RNF215: variants seen among roughly 807,000 people sequenced by gnomAD.
The protein encoded by RNF215 is ring finger protein 215.
In RNF215, 41 loss-of-function variants were observed where a neutral mutation model predicts 44.8. The ratio of observed to expected loss-of-function variants is 0.92; its 90% CI spans 0.71 to 1.19. The LOEUF is 1.19. RNF215 is among the 50% of genes most tolerant of loss of function. The pLI is 0.00. For synonymous variants in RNF215, 218 were observed against 230.1 expected (o/e 0.95, Z 0.48); for missense variants, 452 against 496.2 (o/e 0.91, Z 0.85).
chr22:30,384,212 T>C lies in RNF215; in HGVS notation c.744+127A>G. 2 of 1,036,496 alleles carry C rather than the reference T, an allele frequency of 1.9e-6. 1 individual carries two copies. The highest frequency in any genetic ancestry group is 3.1e-5 in the South Asian group (2 of 63,740). 64.2% of individuals were successfully genotyped at this position (1,036,496 alleles called of 1,614,324 possible). ...TGTCTCTGAACACTCACAGCACTCCTGTGGGGTGGGAAAGGCCGTCCTTGT... is the reference window on the plus strand; with the variant it reads ...TGTCTCTGAACACTCACAGCACTCCCGTGGGGTGGGAAAGGCCGTCCTTGT... On this transcript the variant is annotated intron_variant, in intron 5 of 8. Coordinates refer to ENST00000382363, the MANE Select transcript of RNF215 (RefSeq NM_001017981.2).
Position 30,385,975 on chromosome 22 carries a change from C to G in RNF215, c.516G>C (p.Gln172His). The G allele has an allele frequency of 6.2e-7, 1 of 1,614,174 alleles. No individual in the cohort carries two copies. The highest frequency in any genetic ancestry group is 8.5e-7 in the Non-Finnish European group (1 of 1,180,028). Residue 172 changes from glutamine to histidine, a missense_variant, in exon 4 of 9, where the codon CAG (glutamine) becomes CAC (histidine). By Grantham distance (24) the Gln-to-His change is conservative. Transcript: ENST00000382363. ...HNVVRELDIS[Q>H]LLLRPVIVLH... is the part of the protein sequence containing the mutation. Reference sequence around the variant, plus strand: ...GGACGATCACTGGCCTGAGCAGAAGCTGGGATATGTCCAGCTGCAGGGAGA... The same window carrying G: ...GGACGATCACTGGCCTGAGCAGAAGGTGGGATATGTCCAGCTGCAGGGAGA...
At chr22:30,382,781 G>A (rs962621605) in intron 5 of RNF215, among the ~76,000 whole-genome samples, 1 of 152,086 alleles carries the variant, frequency 6.6e-6, no homozygotes, top group African/African-American at 2.4e-5. Context: ...AGGGCAGGAT[G>A]GGAGCTTGCC....
chr22:30,379,600 C>T lies in RNF215; in HGVS notation c.1134G>A (p.Ter378=). 6.4e-7 allele frequency: 1 copy of T among 1,550,662 alleles called. No homozygotes were observed. Among genetic ancestry groups the T allele is most frequent in the African/African-American group, 1.4e-5 (1 of 73,138 alleles). The change falls in exon 9 of 9, where the codon TAG becomes TAA. Residue 378 remains the stop codon, a stop_retained_variant. Coordinates refer to ENST00000382363, the MANE Select transcript of RNF215 (RefSeq NM_001017981.2). ...NVLGNRYSDD[*] ...CCATGTGCAGAGTCCAGCTGGGCAG[C>T]TAATCATCGGAGTAGCGGTTCCCTG...
At chr22:30,386,980 G>A (rs1933609628) in intron 1 of RNF215, 49 bp downstream of exon 1, 2 of 1,531,276 alleles carry the variant, frequency 1.3e-6, no homozygotes, top group African/African-American at 2.7e-5. Context: ...TCTAGGGAGG[G>A]TTGAGAGAGG....
intron 5 of RNF215, among the ~76,000 whole-genome samples, chr22:30,383,188 G>T (rs1289823021): frequency 6.6e-6 from 1 of 152,156 alleles, no homozygotes; most frequent in African/African-American, 2.4e-5. Context: ...CAGCCACTGA[G>T]ATGCCTCCTC....
At chr22:30,379,928 C>T in intron 7 of RNF215, 115 bp from the exon 8 acceptor site, 1 of 1,521,566 alleles carries the variant, frequency 6.6e-7, no homozygotes, top group Non-Finnish European at 9.0e-7. Flanking sequence ...GCTTCCCCCA[C>T]CCCCCTGAAA....
Position 30,379,391 on chromosome 22 carries a change from C to G in RNF215, c.*209G>C. The G allele has an allele frequency of 1.6e-6, 1 of 621,100 alleles. No individual in the cohort carries two copies. The highest frequency in any genetic ancestry group is 2.8e-6 in the Non-Finnish European group (1 of 357,176). The allele number at this position is 621,100 out of a possible 1,614,324, so 38.5% of individuals were successfully genotyped here. A position where few individuals can be genotyped will look rare whatever the true frequency, so the allele number is the denominator to read the frequency against. The stretch of plus-strand genomic sequence containing the variant: ...AAAGTGACCTCTCTTCCTTGACTGA[C>G]AGGTCCCAGCCCTAGATCCTCAGTC... On this transcript the variant is annotated 3_prime_UTR_variant, in exon 9 of 9. Coordinates refer to ENST00000382363, the MANE Select transcript of RNF215 (RefSeq NM_001017981.2).
chr22:30,382,418 A>G (rs1343675451), intron 5 of RNF215, among the ~76,000 whole-genome samples: 1 of 151,994 alleles, frequency 6.6e-6, no homozygotes, highest in Non-Finnish European at 1.5e-5. Flanking sequence ...AAAAAAAAAA[A>G]AAAGCTTGTG....
At chr22:30,383,043 A>G (rs1933549624) in intron 5 of RNF215, among the ~76,000 whole-genome samples, 1 of 152,180 alleles carries the variant, frequency 6.6e-6, no homozygotes, top group Admixed American at 6.5e-5. Flanking sequence ...TCGAGGCTGC[A>G]GTGAGCCAAG....
rs909453466 is a variant in RNF215 at position 30,380,623 on chromosome 22, G to A, written c.745-222C>T. On this transcript the variant is annotated intron_variant, in intron 5 of 8. Coordinates refer to ENST00000382363, the MANE Select transcript of RNF215 (RefSeq NM_001017981.2). The surrounding 1 kb of genome is among the most constrained non-coding windows in gnomAD (Gnocchi z 5.3). ...ACACGTCTTCCCATCCAGCTCCAAG[G>A]AGAGCCACATCCATTCCCAGCCCAG... is the stretch of plus-strand genomic sequence containing the variant. 6.6e-6 allele frequency among the ~76,000 whole-genome samples: 1 copy of A among 152,088 alleles called. No homozygotes were observed. Among genetic ancestry groups the A allele is most frequent in the Non-Finnish European group, 1.5e-5 (1 of 68,006 alleles).
Position 30,386,630 on chromosome 22 carries a change from C to A in RNF215, c.415G>T (p.Ala139Ser). 6.2e-7 allele frequency: 1 copy of A among 1,612,860 alleles called. No individual in the cohort carries two copies. The highest frequency in any genetic ancestry group is 8.5e-7 in the Non-Finnish European group (1 of 1,179,712). ...ATCCCCTGCACCTGCTGGACCAGGG[C>A]CTTGGGATAGGCCTGCGGGCCACTG... Reference protein sequence around the residue: ...KGSGPQAYPKALVQQMRRALF... With the variant: ...KGSGPQAYPKSLVQQMRRALF... Residue 139 changes from alanine (A) to serine (S), a missense_variant, in exon 2 of 9, where the codon GCC becomes TCC. By Grantham distance (99) the Ala-to-Ser change is moderately conservative. Coordinates refer to ENST00000382363, the MANE Select transcript of RNF215 (RefSeq NM_001017981.2).
In RNF215 at chr22:30,379,807, G is replaced by A. The variant is rs1484830290; in HGVS notation, c.1015C>T (p.Arg339Trp). The A allele has an allele frequency of 6.4e-6, 10 of 1,571,914 alleles. No homozygotes were observed. Among genetic ancestry groups the A allele is most frequent in the South Asian group, 1.2e-5 (1 of 86,572 alleles). Residue 339 changes from arginine (R) to tryptophan (W), a missense_variant, in exon 8 of 9, where the codon CGG becomes TGG. Coordinates refer to ENST00000382363, the MANE Select transcript of RNF215 (RefSeq NM_001017981.2). Reference sequence around the variant, plus strand: ...AACTCGTGCTTACAGGGCAGCACCCGGAGCCACTACAGGGGTGGGGGAGGA... The same window carrying A: ...AACTCGTGCTTACAGGGCAGCACCCAGAGCCACTACAGGGGTGGGGGAGGA... ...LDYFCNKQWL[R>W]VLPCKHEFHR...
chr22:30,380,442 C>G lies in RNF215; in HGVS notation c.745-41G>C. On this transcript the variant is annotated intron_variant, in intron 5 of 8. Coordinates refer to ENST00000382363, the MANE Select transcript of RNF215 (RefSeq NM_001017981.2). The surrounding 1 kb of genome is among the most constrained non-coding windows in gnomAD (Gnocchi z 5.3). ...GTCATCAGGGACATGGGGCCACCCC[C>G]ACACGCCTCCCTTAGGAACATCTAC... 6.4e-7 allele frequency: 1 copy of G among 1,562,488 alleles called. No individual in the cohort carries two copies. The highest frequency in any genetic ancestry group is 8.7e-7 in the Non-Finnish European group (1 of 1,153,648).
intron 4 of RNF215, among the ~76,000 whole-genome samples, chr22:30,384,986 AT>A (rs1933576344): frequency 6.6e-6 from 1 of 151,900 alleles, no homozygotes; most frequent in Non-Finnish European, 1.5e-5. Flanking sequence ...TAATTTTTGT[AT>A]TTTTTTGTAG....
rs1177606758 is a variant in RNF215 at position 30,380,241 on chromosome 22, AAGGGCTG to A, written c.864+34_865-37del. The stretch of plus-strand genomic sequence containing the variant: ...AGGACGGGCACAGTCTTGCAGGTCC[AAGGGCTG>A]AGGGTGCTGGGGCTCCCTGGGGCTG... On this transcript the variant is annotated intron_variant, in intron 6 of 8. Coordinates refer to ENST00000382363, the MANE Select transcript of RNF215 (RefSeq NM_001017981.2). This position sits in a 1 kb window ranked among gnomAD's most constrained non-coding sequence, Gnocchi z 5.3. 3.1e-6 allele frequency: 5 copies of A among 1,611,740 alleles called. No homozygotes were observed. Among genetic ancestry groups the A allele is most frequent in the Non-Finnish European group, 4.2e-6 (5 of 1,178,558 alleles).
Position 30,381,420 on chromosome 22 carries a change from A to T in RNF215, c.745-1019T>A, listed in dbSNP as rs563893751. Among the ~76,000 whole-genome samples, 15 of 152,246 alleles carry T rather than the reference A, an allele frequency of 9.9e-5. No individual in the cohort carries two copies. The East Asian group carries it at 2.1e-3, about 22-fold the overall frequency. On this transcript the variant is annotated intron_variant, in intron 5 of 8. Transcript: ENST00000382363. The stretch of plus-strand genomic sequence containing the variant: ...GCCTCAGAGTGACTGAGGGAACCAC[A>T]ATGATCTTGACTCAACTTGCCCCAG...
At chr22:30,382,359 G>C (rs1043676266) in intron 5 of RNF215, among the ~76,000 whole-genome samples, 2 of 150,728 alleles carry the variant, frequency 1.3e-5, no homozygotes, top group African/African-American at 4.9e-5. Context: ...AGCCGAGATT[G>C]CGCCATTGCA....
chr22:30,386,281 CA>C, intron 2 of RNF215, 140 bp from the exon 3 acceptor site: 1 of 818,500 alleles, frequency 1.2e-6, no homozygotes, highest in Non-Finnish European at 1.9e-6. Flanking sequence ...TCCTTGAGGT[CA>C]AAGGTGGAAA....
chr22:30,383,089 C>T (rs370486155), intron 5 of RNF215, among the ~76,000 whole-genome samples: 67 of 152,292 alleles, frequency 4.4e-4, no homozygotes, highest in Non-Finnish European at 7.9e-4. Flanking sequence ...CTTCCTGATA[C>T]ATGAGTGTTG....
Sources: allele counts gnomAD v4.1 joint callset (sites outside exome capture counted in the v4.1 genomes callset), GRCh38; gene constraint gnomAD v4.1.1; non-coding constraint Gnocchi (gnomAD v3.1); transcripts MANE v1.5; gene names NCBI Gene and HGNC (gene_info 2026-07-23, HGNC 2026-07-21).